The following CNTN5 variants were observed in gnomAD, a reference collection of about 807,000 sequenced individuals.
CNTN5 encodes the protein contactin 5, also known as contactin-5.
A neutral mutation model predicts 129.1 loss-of-function variants in CNTN5; 77 were observed. That is an observed-to-expected ratio of 0.60 (90% CI 0.50 to 0.72). The LOEUF is 0.72. CNTN5 is among the 30% of genes least tolerant of loss of function. CNTN5 has a pLI of 0.00. For missense variants in CNTN5, 1,478 were observed against 1,328.8 expected, an observed-to-expected ratio of 1.11 and a Z score of -1.75; for synonymous variants, 509 against 465.6, an observed-to-expected ratio of 1.09 and a Z score of -1.20.
At position 100,358,481 on chromosome 11, in the gene CNTN5, G is replaced by A. The variant is rs952139184; in HGVS notation, c.*2261G>A. ...CCTATTTAAAAAACAGGTTTTCAAT[G>A]TTTATGTACTTATGTGCTGCATATC... is the stretch of plus-strand genomic sequence containing the variant. On this transcript the variant is annotated 3_prime_UTR_variant, in exon 25 of 25. Transcript: ENST00000524871. 1 of 151,786 alleles carries A rather than the reference G, an allele frequency of 6.6e-6. No individual in the cohort carries two copies. The highest frequency in any genetic ancestry group is 1.5e-5 in the Non-Finnish European group (1 of 67,810). 9.4% of individuals were successfully genotyped at this position (151,786 alleles called of 1,614,324 possible).
chr11:100,312,347 C>G (rs1399500006), intron 21 of CNTN5, among the ~76,000 whole-genome samples: 1 of 151,942 alleles, frequency 6.6e-6, no homozygotes, highest in Non-Finnish European at 1.5e-5. Flanking sequence ...CAGGATCTCT[C>G]TTTTCCTCTC....
chr11:99,169,068 T>G (rs1227814416), intron 1 of CNTN5, among the ~76,000 whole-genome samples: 2 of 152,198 alleles, frequency 1.3e-5, no homozygotes, highest in Non-Finnish European at 2.9e-5. Context: ...TAGTCTTTTG[T>G]TCTTTTTGGG....
chr11:99,668,556 G>A (rs1029449821), intron 3 of CNTN5, among the ~76,000 whole-genome samples: 2 of 152,082 alleles, frequency 1.3e-5, no homozygotes, highest in Non-Finnish European at 2.9e-5. Context: ...CATGCTTCAG[G>A]TGGGATTTGA....
rs1565314362 is a variant in CNTN5 at position 99,097,212 on chromosome 11, A to T, written c.-210+75942A>T. ...TCTTTTAATCCAATGTCCCTTGCAC[A>T]TACAGTCCAACAATTTTTTTAGTGT... On this transcript the variant is annotated intron_variant, in intron 1 of 24. Transcript: ENST00000524871. 2.0e-5 allele frequency among the ~76,000 whole-genome samples: 3 copies of T among 151,958 alleles called. No individual in the cohort carries two copies. The South Asian group carries it at 6.2e-4, about 31-fold the overall frequency.
chr11:99,750,918 A>G (rs1353718382), intron 3 of CNTN5, among the ~76,000 whole-genome samples: 3 of 152,170 alleles, frequency 2.0e-5, no homozygotes, highest in Non-Finnish European at 4.4e-5. Flanking sequence ...AGATTTAACT[A>G]TTTTGGCTTT....
chr11:99,851,914 C>T (rs552756070), intron 6 of CNTN5, among the ~76,000 whole-genome samples: 17 of 152,214 alleles, frequency 1.1e-4, no homozygotes, highest in Admixed American at 1.0e-3. Flanking sequence ...AGTTTAAAAC[C>T]ACATTTTACT....
chr11:99,732,640 G>T (rs1199642768), intron 3 of CNTN5, among the ~76,000 whole-genome samples: 1 of 152,172 alleles, frequency 6.6e-6, no homozygotes, highest in Non-Finnish European at 1.5e-5. Flanking sequence ...AGCACCATTT[G>T]CATAGAGTGC....
At chr11:100,057,066 G>A (rs970147822) in intron 9 of CNTN5, among the ~76,000 whole-genome samples, 11 of 151,064 alleles carry the variant, frequency 7.3e-5, no homozygotes, top group Non-Finnish European at 1.2e-4. Flanking sequence ...GTATCAATAC[G>A]TATCATATGT....
chr11:99,661,537 G>T (rs530064398), intron 3 of CNTN5, among the ~76,000 whole-genome samples: 1 of 151,898 alleles, frequency 6.6e-6, no homozygotes, highest in South Asian at 2.1e-4. Flanking sequence ...GTTACTATAT[G>T]TGTATATGCA....
chr11:99,307,947 ATAGTATG>A (rs1337053688), intron 1 of CNTN5, among the ~76,000 whole-genome samples: 2 of 152,212 alleles, frequency 1.3e-5, no homozygotes, highest in Non-Finnish European at 2.9e-5. Context: ...CAATGTTCAA[ATAGTATG>A]TGATTCATTG....
intron 3 of CNTN5, among the ~76,000 whole-genome samples, chr11:99,687,759 A>G (rs756377414): frequency 1.3e-5 from 2 of 152,198 alleles, no homozygotes; most frequent in Non-Finnish European, 2.9e-5. Context: ...CTCCTAAAAT[A>G]TATTCAGTTA....
chr11:100,155,361 T>C (rs542955091), intron 13 of CNTN5, among the ~76,000 whole-genome samples: 1 of 152,276 alleles, frequency 6.6e-6, no homozygotes, highest in South Asian at 2.1e-4. Flanking sequence ...GGGGCCTCTC[T>C]TCTGTTCCAT....
chr11:100,021,083 G>A lies in CNTN5; in HGVS notation c.980+18947G>A, dbSNP rs541236501. Reference sequence around the variant, plus strand: ...ATTTTATGAATTTTTTTAAAATTTAGTTATTTATGAGTATGTTATTTAGCT... The same window carrying A: ...ATTTTATGAATTTTTTTAAAATTTAATTATTTATGAGTATGTTATTTAGCT... On this transcript the variant is annotated intron_variant, in intron 9 of 24. Coordinates refer to ENST00000524871, the MANE Select transcript of CNTN5 (RefSeq NM_014361.4). Among the ~76,000 whole-genome samples the A allele has an allele frequency of 2.0e-5, 3 of 152,142 alleles. No individual in the cohort carries two copies. The South Asian group carries it at 6.2e-4, about 32-fold the overall frequency.
intron 1 of CNTN5, among the ~76,000 whole-genome samples, chr11:99,255,052 GA>G (rs1862307180): frequency 6.6e-6 from 1 of 151,916 alleles, no homozygotes; most frequent in African/African-American, 2.4e-5. Context: ...GAACAAAATA[GA>G]AAGGGGTAAG....
At chr11:99,464,822 G>C (rs1311546182) in intron 2 of CNTN5, among the ~76,000 whole-genome samples, 2 of 152,056 alleles carry the variant, frequency 1.3e-5, no homozygotes, top group African/African-American at 4.8e-5. Flanking sequence ...CATAAAAATA[G>C]TTTAATCAAT....
chr11:99,718,426 T>C (rs751139918), intron 3 of CNTN5, among the ~76,000 whole-genome samples: 39 of 152,080 alleles, frequency 2.6e-4, no homozygotes, highest in Non-Finnish European at 3.5e-4. Context: ...TGGAAGAGGG[T>C]CTAGGAAAAG....
rs369583291 is a variant in CNTN5 at position 99,507,202 on chromosome 11, T to C, written c.-70-48943T>C. Among the ~76,000 whole-genome samples the C allele has an allele frequency of 2.0e-5, 3 of 151,466 alleles. No homozygotes were observed. The East Asian group carries it at 5.8e-4, about 29-fold the overall frequency. Reference sequence around the variant, plus strand: ...ACCATCCTGGCCAACATGGTGAAACTCTCTTCTACACTAAAAATACAAAAA... The same window carrying C: ...ACCATCCTGGCCAACATGGTGAAACCCTCTTCTACACTAAAAATACAAAAA... On this transcript the variant is annotated intron_variant, in intron 2 of 24. Coordinates refer to ENST00000524871, the MANE Select transcript of CNTN5 (RefSeq NM_014361.4).
chr11:99,222,393 C>T (rs1173659691), intron 1 of CNTN5, among the ~76,000 whole-genome samples: 4 of 151,274 alleles, frequency 2.6e-5, no homozygotes. Context: ...ATGAATTAAC[C>T]CAAGAGAAAA....
intron 2 of CNTN5, among the ~76,000 whole-genome samples, chr11:99,472,991 T>A (rs1320098057): frequency 6.6e-6 from 1 of 152,198 alleles, no homozygotes; most frequent in African/African-American, 2.4e-5. Context: ...CCAACAAATA[T>A]GTCTGACACC....
Sources: gnomAD v4.1 joint callset for allele counts (sites outside exome capture counted in the v4.1 genomes callset) on GRCh38, gnomAD v4.1.1 for gene constraint, MANE v1.5 for transcripts, NCBI Gene and HGNC (gene_info 2026-07-23, HGNC 2026-07-21) for gene names.